Variants in UBL3 observed in about 807,000 individuals in gnomAD.
The protein encoded by UBL3 is ubiquitin-like protein 3.
A neutral mutation model predicts 18.4 loss-of-function variants in UBL3; 6 were observed. The ratio of observed to expected loss-of-function variants is 0.33; its 90% confidence interval spans 0.18 to 0.64. The LOEUF (loss-of-function observed/expected upper bound fraction) is 0.64. Ranked by LOEUF, UBL3 falls within the 30% of genes least tolerant of loss-of-function variation. The pLI is 0.76. For synonymous variants in UBL3, 49 were observed against 46.6 expected, an observed-to-expected ratio of 1.05 and a Z score of -0.21; for missense variants, 109 against 142.9, an observed-to-expected ratio of 0.76 and a Z score of 1.21.
chr13:29,825,016 T>C (rs939077976), intron 1 of UBL3, among the ~76,000 whole-genome samples: 4 of 152,208 alleles, frequency 2.6e-5, no homozygotes, highest in Admixed American at 2.6e-4. Context: ...CAGATGGTTG[T>C]AGATGTGTGG....
chr13:29,827,255 G>A (rs542000785), intron 1 of UBL3, among the ~76,000 whole-genome samples: 5 of 152,202 alleles, frequency 3.3e-5, no homozygotes, highest in African/African-American at 4.8e-5. Context: ...ACTTTGTCTC[G>A]TTGATCTGTC....
chr13:29,840,796 ATT>A (rs1400045504), intron 1 of UBL3, among the ~76,000 whole-genome samples: 17 of 152,204 alleles, frequency 1.1e-4, no homozygotes, highest in Non-Finnish European at 1.0e-4. Flanking sequence ...CCATTATGTC[ATT>A]GTTTGTAATA....
At chr13:29,784,928 C>T (rs527498181) in intron 1 of UBL3, among the ~76,000 whole-genome samples, 7 of 152,266 alleles carry the variant, frequency 4.6e-5, no homozygotes, top group East Asian at 1.9e-4. Context: ...TCTTTTGAGA[C>T]GGAGTCTCAC....
intron 1 of UBL3, among the ~76,000 whole-genome samples, chr13:29,831,922 A>G (rs1016778314): frequency 6.6e-6 from 1 of 152,194 alleles, no homozygotes; most frequent in African/African-American, 2.4e-5. Context: ...AGATACACAT[A>G]GATATTTTCA....
intron 1 of UBL3, among the ~76,000 whole-genome samples, chr13:29,846,866 T>C (rs1210688738): frequency 2.0e-5 from 3 of 152,234 alleles, no homozygotes; most frequent in Non-Finnish European, 4.4e-5. Context: ...AAGCTTAACA[T>C]TTTACTGCAT....
intron 1 of UBL3, among the ~76,000 whole-genome samples, chr13:29,778,457 T>A (rs1877060446): frequency 6.6e-6 from 1 of 152,244 alleles, no homozygotes; most frequent in Non-Finnish European, 1.5e-5. Flanking sequence ...AGTAAGATCC[T>A]ACTAAAAGTT....
At position 29,767,180 on chromosome 13, in the gene UBL3, A is replaced by G; in HGVS notation, c.*75T>C. ...GCAGACTGTTCTGAACGGTTTCTGA[A>G]GCAATGTCGGGTCTTTTCTGTCCCA... On this transcript the variant is annotated 3_prime_UTR_variant, in exon 5 of 5. Coordinates refer to ENST00000380680, the MANE Select transcript of UBL3 (RefSeq NM_007106.4). 3 of 1,551,070 alleles carry G rather than the reference A, an allele frequency of 1.9e-6. No homozygotes were observed. Among genetic ancestry groups the G allele is most frequent in the Non-Finnish European group, 2.7e-6 (3 of 1,129,048 alleles).
chr13:29,835,199 G>T (rs1878929578), intron 1 of UBL3, among the ~76,000 whole-genome samples: 4 of 106,748 alleles, frequency 3.7e-5, no homozygotes, highest in East Asian at 2.6e-4. Context: ...CACCCTCCTG[G>T]AATCTATGGC....
At position 29,810,227 on chromosome 13, in the gene UBL3, T is replaced by C. The variant is rs149892536; in HGVS notation, c.28-32964A>G. Among the ~76,000 whole-genome samples the C allele has an allele frequency of 2.4e-4, 36 of 152,194 alleles. No individual in the cohort carries two copies. The East Asian group carries it at 6.7e-3, about 29-fold the overall frequency. ...TTTGTTTTTTAAAAAGTGGAGATGTTAAAAATAACTGGCCACGTGATTAAG... is the reference window on the plus strand; with the variant it reads ...TTTGTTTTTTAAAAAGTGGAGATGTCAAAAATAACTGGCCACGTGATTAAG... On this transcript the variant is annotated intron_variant, in intron 1 of 4. Coordinates refer to ENST00000380680, the MANE Select transcript of UBL3 (RefSeq NM_007106.4).
chr13:29,796,361 T>G (rs1877614000), intron 1 of UBL3, among the ~76,000 whole-genome samples: 1 of 152,240 alleles, frequency 6.6e-6, no homozygotes, highest in Non-Finnish European at 1.5e-5. Flanking sequence ...ATGTATCACT[T>G]ACCACTGGCT....
chr13:29,844,428 A>G (rs1490172370), intron 1 of UBL3, among the ~76,000 whole-genome samples: 1 of 152,220 alleles, frequency 6.6e-6, no homozygotes, highest in African/African-American at 2.4e-5. Context: ...GCCTGTTAAT[A>G]CTACTACCAT....
intron 3 of UBL3, among the ~76,000 whole-genome samples, chr13:29,770,036 T>C (rs562810335): frequency 1.4e-4 from 21 of 152,162 alleles, no homozygotes; most frequent in Admixed American, 2.6e-4. Flanking sequence ...CTTTCCTATA[T>C]TGAAGAGAAA....
At chr13:29,831,757 C>CA (rs1053952121) in intron 1 of UBL3, among the ~76,000 whole-genome samples, 2 of 150,710 alleles carry the variant, frequency 1.3e-5, no homozygotes, top group African/African-American at 4.9e-5. Context: ...TAAAAAATCA[C>CA]AAAAAGTAAA....
At position 29,765,452 on chromosome 13, in the gene UBL3, G is replaced by A. The variant is rs1593646055; in HGVS notation, c.*1803C>T. ...TTGTGACTGTCCACAAATTAACCAG[G>A]TTAAATATCAAAGATACATTGGGAA... On this transcript the variant is annotated 3_prime_UTR_variant, in exon 5 of 5. Coordinates refer to ENST00000380680, the MANE Select transcript of UBL3 (RefSeq NM_007106.4). The A allele has an allele frequency of 6.6e-6, 1 of 151,966 alleles. No individual in the cohort carries two copies. The highest frequency in any genetic ancestry group is 2.4e-5 in the African/African-American group (1 of 41,452). 9.4% of individuals were successfully genotyped at this position (151,966 alleles called of 1,614,324 possible).
At chr13:29,807,486 T>G (rs189475981) in intron 1 of UBL3, among the ~76,000 whole-genome samples, 1 of 152,308 alleles carries the variant, frequency 6.6e-6, no homozygotes, top group East Asian at 1.9e-4. Context: ...TTTTCTGCTC[T>G]CCACCAAATT....
At chr13:29,800,117 C>T (rs1877721789) in intron 1 of UBL3, among the ~76,000 whole-genome samples, 1 of 152,188 alleles carries the variant, frequency 6.6e-6, no homozygotes, top group East Asian at 1.9e-4. Context: ...CCTTTTCGAG[C>T]TTATATTCAT....
Position 29,849,654 on chromosome 13 carries a change from C to T in UBL3, c.-116G>A, listed in dbSNP as rs541804103. On this transcript the variant is annotated 5_prime_UTR_variant, in exon 1 of 5. Coordinates refer to ENST00000380680, the MANE Select transcript of UBL3 (RefSeq NM_007106.4). ...TTTTGACTGGTTCGTGATGTGCTTT[C>T]TCCCCCAAAAATAAAGTTATTTTGG... 1 of 1,359,146 alleles carries T rather than the reference C, an allele frequency of 7.4e-7. No homozygotes were observed. The highest frequency in any genetic ancestry group is 1.4e-5 in the African/African-American group (1 of 69,172). The allele number at this position is 1,359,146 out of a possible 1,614,324, so 84.2% of individuals were successfully genotyped here.
intron 1 of UBL3, among the ~76,000 whole-genome samples, chr13:29,819,921 T>C (rs1049746111): frequency 5.9e-5 from 9 of 152,112 alleles, no homozygotes; most frequent in East Asian, 1.9e-4. Flanking sequence ...AACTTTTCTA[T>C]AGACAACTGC....
chr13:29,804,865 A>T (rs12874615), intron 1 of UBL3, among the ~76,000 whole-genome samples: 15,538 of 152,244 alleles, frequency 0.1, 974 homozygotes, highest in African/African-American at 0.17. Flanking sequence ...CATGATTTAT[A>T]GCTATAAACA....
Sources: gnomAD v4.1 joint callset for allele counts (sites outside exome capture counted in the v4.1 genomes callset) on GRCh38, gnomAD v4.1.1 for gene constraint, MANE v1.5 for transcripts, NCBI Gene and HGNC (gene_info 2026-07-23, HGNC 2026-07-21) for gene names.